The following CFAP77 variants were observed in gnomAD, a reference collection of about 807,000 sequenced individuals.
CFAP77 encodes cilia and flagella associated protein 77, also known as cilia- and flagella-associated protein 77.
Under a neutral mutation model 31.1 loss-of-function variants are expected in CFAP77, and 25 were observed. The ratio of observed to expected loss-of-function variants is 0.80; its 90% CI spans 0.59 to 1.12. The LOEUF is 1.12. Ranked by LOEUF, CFAP77 falls within the 50% of genes most tolerant of loss-of-function variation. CFAP77 has a pLI of 0.00. For missense variants in CFAP77, 377 were observed against 397.3 expected (o/e 0.95, Z 0.44); for synonymous variants, 151 against 159.9 (o/e 0.94, Z 0.42).
chr9:132,450,954 T>C (rs759603738), intron 1 of CFAP77, among the ~76,000 whole-genome samples: 10 of 152,084 alleles, frequency 6.6e-5, no homozygotes, highest in Non-Finnish European at 1.3e-4. Flanking sequence ...GAAGAGAAGC[T>C]AAGGATGGAT....
chr9:132,488,012 A>G (rs1198609358), intron 1 of CFAP77, among the ~76,000 whole-genome samples: 1 of 152,210 alleles, frequency 6.6e-6, no homozygotes, highest in Non-Finnish European at 1.5e-5. Flanking sequence ...GCATGGGTCT[A>G]GCTATATACA....
chr9:132,472,830 G>A (rs1350961640), intron 1 of CFAP77, among the ~76,000 whole-genome samples: 6 of 152,130 alleles, frequency 3.9e-5, no homozygotes, highest in Non-Finnish European at 5.9e-5. Context: ...CTGTGTGCCC[G>A]GCTCTGGGAA....
At position 132,552,192 on chromosome 9, in the gene CFAP77, C is replaced by T. The variant is rs948226424; in HGVS notation, c.732+9145C>T. On this transcript the variant is annotated intron_variant, in intron 5 of 5. Coordinates refer to ENST00000393216, the MANE Select transcript of CFAP77 (RefSeq NM_001282957.2). The surrounding 1 kb of genome is among the most constrained non-coding windows in gnomAD (Gnocchi z 5.5). ...TCCAGGTCCCAGCCTGCCTCATGCC[C>T]GCCCCAGGTCTGCATCTGTGAAGTG... Among the ~76,000 whole-genome samples the T allele has an allele frequency of 7.9e-5, 12 of 152,180 alleles. No homozygotes were observed. Among genetic ancestry groups the T allele is most frequent in the East Asian group, 1.9e-4 (1 of 5,190 alleles).
chr9:132,467,596 T>C (rs2131732069), intron 1 of CFAP77, among the ~76,000 whole-genome samples: 1 of 152,334 alleles, frequency 6.6e-6, no homozygotes, highest in East Asian at 1.9e-4. Context: ...CATTCTTCCA[T>C]CGATGGACAC....
chr9:132,415,643 G>T (rs1481276763), intron 1 of CFAP77, among the ~76,000 whole-genome samples: 1 of 152,210 alleles, frequency 6.6e-6, no homozygotes, highest in Non-Finnish European at 1.5e-5. Flanking sequence ...TGAGGCTGGG[G>T]TGAACTAATC....
intron 1 of CFAP77, among the ~76,000 whole-genome samples, chr9:132,468,584 A>G (rs1851196897): frequency 6.6e-6 from 1 of 152,056 alleles, no homozygotes; most frequent in South Asian, 2.1e-4. Flanking sequence ...CTGACCACTC[A>G]AGAGCAGGCC....
At chr9:132,496,170 A>G (rs1435160196) in intron 1 of CFAP77, among the ~76,000 whole-genome samples, 1 of 152,226 alleles carries the variant, frequency 6.6e-6, no homozygotes, top group East Asian at 1.9e-4. Flanking sequence ...TTTGTTGTGA[A>G]CCTAAAACTG....
At chr9:132,512,053 TAA>T (rs34713343) in intron 3 of CFAP77, among the ~76,000 whole-genome samples, 3 of 142,930 alleles carry the variant, frequency 2.1e-5, no homozygotes, top group Admixed American at 1.4e-4. Flanking sequence ...AAACTCTGTT[TAA>T]AAAAAAAAAA....
chr9:132,411,104 C>T (rs1354658540), intron 1 of CFAP77, among the ~76,000 whole-genome samples: 2 of 152,238 alleles, frequency 1.3e-5, no homozygotes, highest in African/African-American at 2.4e-5. Context: ...CACTTCCCTC[C>T]TCCCCACCTT....
chr9:132,471,488 AC>A (rs1034704993), intron 1 of CFAP77, among the ~76,000 whole-genome samples: 2 of 148,652 alleles, frequency 1.3e-5, no homozygotes, highest in Non-Finnish European at 3.0e-5. Context: ...GTGAATGGCC[AC>A]CCCCTCAGGT....
intron 5 of CFAP77, among the ~76,000 whole-genome samples, chr9:132,569,772 G>A (rs1829932567): frequency 8.0e-6 from 1 of 125,006 alleles, no homozygotes; most frequent in Non-Finnish European, 1.6e-5. Flanking sequence ...ATCTCGCTCT[G>A]TTGTCCAGGC....
intron 4 of CFAP77, among the ~76,000 whole-genome samples, chr9:132,541,307 T>G (rs1047178630): frequency 6.6e-6 from 1 of 152,216 alleles, no homozygotes; most frequent in Non-Finnish European, 1.5e-5. Context: ...TGGCACCCTA[T>G]TGCTAGCAGA....
chr9:132,474,468 C>T (rs964619701), intron 1 of CFAP77, among the ~76,000 whole-genome samples: 1 of 152,174 alleles, frequency 6.6e-6, no homozygotes, highest in Non-Finnish European at 1.5e-5. Context: ...CGCAGGGATG[C>T]GGCTAGTTCA....
intron 1 of CFAP77, among the ~76,000 whole-genome samples, chr9:132,467,098 A>T (rs1156751205): frequency 1.3e-5 from 2 of 152,218 alleles, no homozygotes; most frequent in Non-Finnish European, 2.9e-5. Flanking sequence ...GAATCGTTTG[A>T]ATCTGGGAGA....
intron 1 of CFAP77, among the ~76,000 whole-genome samples, chr9:132,436,953 G>A (rs1416467186): frequency 6.6e-6 from 1 of 152,132 alleles, no homozygotes; most frequent in Admixed American, 6.6e-5. Flanking sequence ...ATAGGGGCTG[G>A]ATTTTCCCCC....
chr9:132,552,695 C>CAA lies in CFAP77; in HGVS notation c.732+9664_732+9665dup, dbSNP rs571136796. 1.4e-4 allele frequency among the ~76,000 whole-genome samples: 13 copies of CAA among 89,962 alleles called. No individual in the cohort carries two copies. The highest frequency in any genetic ancestry group is 3.7e-4 in the African/African-American group (10 of 26,798). The allele number at this position is 89,962 out of a possible 152,430, so 59.0% of individuals were successfully genotyped here. ...CAGGTGACAGGGTGAGACTCCATCT[C>CAA]AAAAAAAAAAAAAAAAAGCAGAGTC... On this transcript the variant is annotated intron_variant, in intron 5 of 5. Transcript: ENST00000393216. The surrounding 1 kb of genome is among the most constrained non-coding windows in gnomAD (Gnocchi z 5.5).
chr9:132,427,340 G>A (rs559205110), intron 1 of CFAP77, among the ~76,000 whole-genome samples: 5 of 152,058 alleles, frequency 3.3e-5, no homozygotes, highest in East Asian at 1.9e-4. Flanking sequence ...CAGCAATTCC[G>A]GCCATGCCCA....
In CFAP77 at chr9:132,433,137, A is replaced by G. The variant is rs570646429; in HGVS notation, c.195+22671A>G. Among the ~76,000 whole-genome samples, 30 of 152,306 alleles carry G rather than the reference A, an allele frequency of 2.0e-4. No individual in the cohort carries two copies. The South Asian group carries it at 5.6e-3, about 28-fold the overall frequency. On this transcript the variant is annotated intron_variant, in intron 1 of 5. Coordinates refer to ENST00000393216, the MANE Select transcript of CFAP77 (RefSeq NM_001282957.2). ...AGTGCTGGGATTACAGGCGTGAACC[A>G]CCATGTCAGGACCCTTGATTCCTTT...
intron 1 of CFAP77, among the ~76,000 whole-genome samples, chr9:132,432,303 A>T (rs774942721): frequency 7.9e-5 from 12 of 152,110 alleles, no homozygotes; most frequent in Middle Eastern, 3.2e-3. Flanking sequence ...GTGGAGTGGA[A>T]TCCCTAGCAA....
Sources: gnomAD v4.1 joint callset for allele counts (sites outside exome capture counted in the v4.1 genomes callset) on GRCh38, gnomAD v4.1.1 for gene constraint, Gnocchi (gnomAD v3.1) non-coding constraint, MANE v1.5 for transcripts, NCBI Gene and HGNC (gene_info 2026-07-23, HGNC 2026-07-21) for gene names.